The following PCDH9 variants were observed in gnomAD, a reference collection of about 807,000 sequenced individuals.
PCDH9 encodes the protein protocadherin-9.
A neutral mutation model predicts 70.6 loss-of-function variants in PCDH9; 24 were observed. The observed-to-expected ratio is 0.34, with a 90% CI of 0.25 to 0.48. The LOEUF is 0.48. Among genes scored for constraint, PCDH9 ranks in the 20% least tolerant of loss-of-function variants. The pLI, the probability that PCDH9 is intolerant of heterozygous loss-of-function variation, is 0.99. For synonymous variants in PCDH9, 562 were observed against 558.5 expected, an observed-to-expected ratio of 1.01 and a Z score of -0.09; for missense variants, 1,281 against 1,503.6, an observed-to-expected ratio of 0.85 and a Z score of 2.45.
chr13:66,483,382 T>C (rs941538548), intron 4 of PCDH9, among the ~76,000 whole-genome samples: 2 of 152,262 alleles, frequency 1.3e-5, no homozygotes, highest in South Asian at 4.1e-4. Flanking sequence ...GTGAGAAAAC[T>C]AGAGTCAAAT....
At chr13:66,806,549 A>G (rs2080413304) in intron 3 of PCDH9, among the ~76,000 whole-genome samples, 1 of 152,058 alleles carries the variant, frequency 6.6e-6, no homozygotes, top group Non-Finnish European at 1.5e-5. Flanking sequence ...CTAGACACCA[A>G]CTCTACAGTT....
At chr13:66,707,719 A>G (rs2078729884) in intron 3 of PCDH9, among the ~76,000 whole-genome samples, 1 of 152,224 alleles carries the variant, frequency 6.6e-6, no homozygotes, top group Non-Finnish European at 1.5e-5. Flanking sequence ...TTTGTGTACA[A>G]GGAAAATATT....
chr13:66,825,754 G>T (rs931162644), intron 3 of PCDH9, among the ~76,000 whole-genome samples: 24 of 152,230 alleles, frequency 1.6e-4, no homozygotes, highest in African/African-American at 4.8e-4. Flanking sequence ...TAAAATTCTA[G>T]TTTCTCACAC....
chr13:66,643,972 C>T (rs950828698), intron 3 of PCDH9, among the ~76,000 whole-genome samples: 1 of 151,798 alleles, frequency 6.6e-6, no homozygotes, highest in Non-Finnish European at 1.5e-5. Flanking sequence ...TTGCCCTATG[C>T]ATTAAAATTT....
intron 3 of PCDH9, among the ~76,000 whole-genome samples, chr13:66,652,076 C>T (rs1328548935): frequency 6.6e-6 from 1 of 151,942 alleles, no homozygotes; most frequent in African/African-American, 2.4e-5. Flanking sequence ...AAACCGAAAA[C>T]CTTTCCTCTA....
At chr13:66,985,399 T>G (rs953328854) in intron 2 of PCDH9, 2 of 152,128 alleles carry the variant, frequency 1.3e-5, no homozygotes, top group Non-Finnish European at 2.9e-5. Context: ...ATATTTAAAT[T>G]GTTTCCATAA....
chr13:66,629,943 C>T lies in PCDH9; in HGVS notation c.3340+1267G>A, dbSNP rs117455687. On this transcript the variant is annotated intron_variant, in intron 4 of 4. Transcript: ENST00000377865. ...ACACCAGTGCTGTATTACTATCACA[C>T]AACTGGCTAAGAAAGCCCTGTTGTA... Among the ~76,000 whole-genome samples, 636 of 152,248 alleles carry T rather than the reference C, an allele frequency of 4.2e-3. 19 individuals carry two copies. In the East Asian group the frequency reaches 0.081, roughly 19 times the overall value.
chr13:66,736,900 T>C (rs1051429145), intron 3 of PCDH9, among the ~76,000 whole-genome samples: 2 of 152,176 alleles, frequency 1.3e-5, no homozygotes, highest in African/African-American at 4.8e-5. Context: ...TTTCCCCCGA[T>C]TCAACCCTTA....
rs557669629 is a variant in PCDH9 at position 67,223,543 on chromosome 13, A to T, written c.3036+1862T>A. 15 of 152,216 alleles carry T rather than the reference A, an allele frequency of 9.9e-5. No individual in the cohort carries two copies. In the East Asian group the frequency reaches 2.5e-3, roughly 25 times the overall value. 9.4% of individuals were successfully genotyped at this position (152,216 alleles called of 1,614,324 possible). ...ATAACAGAAGTAAATAATTTAAAAA[A>T]TTTTCTTTCTGTTCATTAAGAGCAA... On this transcript the variant is annotated intron_variant, in intron 2 of 4. Transcript: ENST00000377865.
At chr13:67,091,631 G>T (rs1165896162) in intron 2 of PCDH9, among the ~76,000 whole-genome samples, 1 of 152,106 alleles carries the variant, frequency 6.6e-6, no homozygotes, top group Non-Finnish European at 1.5e-5. Context: ...TCACATAGCT[G>T]ATCCTGCTTT....
intron 2 of PCDH9, among the ~76,000 whole-genome samples, chr13:67,181,325 T>C (rs2088609490): frequency 6.6e-6 from 1 of 152,154 alleles, no homozygotes. Context: ...CATAAGAAGC[T>C]ATCGGTCTTA....
chr13:67,128,246 G>T (rs1301632893), intron 2 of PCDH9, among the ~76,000 whole-genome samples: 37 of 152,152 alleles, frequency 2.4e-4, no homozygotes, highest in Admixed American at 2.3e-3. Flanking sequence ...TTCATGTAAA[G>T]ACAGTGTTTA....
At chr13:66,534,003 A>G (rs1449577371) in intron 4 of PCDH9, among the ~76,000 whole-genome samples, 1 of 152,116 alleles carries the variant, frequency 6.6e-6, no homozygotes, top group Non-Finnish European at 1.5e-5. Flanking sequence ...CTTTGTTTTT[A>G]TTCCATTATC....
intron 2 of PCDH9, chr13:66,977,560 T>A (rs2083646433): frequency 6.6e-6 from 1 of 152,132 alleles, no homozygotes; most frequent in South Asian, 2.1e-4. Flanking sequence ...TGTCTACATA[T>A]GTTTGCCAGA....
intron 3 of PCDH9, among the ~76,000 whole-genome samples, chr13:66,652,194 G>A (rs2077862457): frequency 6.6e-6 from 1 of 152,004 alleles, no homozygotes; most frequent in Non-Finnish European, 1.5e-5. Context: ...ATCCACACTG[G>A]AAAGGAAGAA....
At chr13:67,187,773 T>C (rs2088797541) in intron 2 of PCDH9, among the ~76,000 whole-genome samples, 1 of 152,094 alleles carries the variant, frequency 6.6e-6, no homozygotes, top group African/African-American at 2.4e-5. Flanking sequence ...TAATTTTTAA[T>C]TATTATGGAT....
intron 3 of PCDH9, among the ~76,000 whole-genome samples, chr13:66,776,703 C>A (rs1011149298): frequency 6.6e-6 from 1 of 151,936 alleles, no homozygotes; most frequent in African/African-American, 2.4e-5. Context: ...GGCCATACTG[C>A]CCAAGGTAAT....
At chr13:66,927,642 GTCC>G (rs1249956017) in intron 2 of PCDH9, among the ~76,000 whole-genome samples, 1 of 152,002 alleles carries the variant, frequency 6.6e-6, no homozygotes, top group Non-Finnish European at 1.5e-5. Flanking sequence ...ATTCTTCTGA[GTCC>G]TCTTTCTCCT....
At chr13:66,592,611 T>C (rs1456737467) in intron 4 of PCDH9, among the ~76,000 whole-genome samples, 1 of 151,764 alleles carries the variant, frequency 6.6e-6, no homozygotes, top group African/African-American at 2.4e-5. Flanking sequence ...ATTGAGGATT[T>C]TATAGTGTTT....
Sources: allele counts gnomAD v4.1 joint callset (sites outside exome capture counted in the v4.1 genomes callset), GRCh38; gene constraint gnomAD v4.1.1; transcripts MANE v1.5; gene names NCBI Gene and HGNC (gene_info 2026-07-23, HGNC 2026-07-21).